Variants in SUCNR1 observed in about 807,000 individuals in gnomAD.
The protein encoded by SUCNR1 is G-protein coupled receptor 91.
Under a neutral mutation model 2.4 loss-of-function variants are expected in SUCNR1, and 5 were observed. That is an observed-to-expected ratio of 2.07 (90% CI 1.08 to 4.36). The LOEUF (loss-of-function observed/expected upper bound fraction) is 4.36. Among genes scored for constraint, SUCNR1 ranks in the 30% most tolerant of loss-of-function variants. The pLI is 0.00. For synonymous variants in SUCNR1, 162 were observed against 143.9 expected (o/e 1.13, Z -0.90); for missense variants, 373 against 399.2 (o/e 0.93, Z 0.56).
Position 151,879,864 on chromosome 3 carries a change from C to T in SUCNR1, c.-29C>T. The T allele has an allele frequency of 1.3e-6, 2 of 1,554,442 alleles. No individual in the cohort carries two copies. Among genetic ancestry groups the T allele is most frequent in the East Asian group, 2.4e-5 (1 of 42,486 alleles). On this transcript the variant is annotated 5_prime_UTR_variant, in exon 2 of 3. Coordinates refer to ENST00000362032, the MANE Select transcript of SUCNR1 (RefSeq NM_033050.6). ...TTTCCTCTTCTAGGTTATGGTTTAA[C>T]TCAGCAGAATTTGTTGAACAACTAC...
rs919846428 is a variant in SUCNR1, at chr3:151,879,339, T to C, written c.-41-513T>C. 3.3e-5 allele frequency among the ~76,000 whole-genome samples: 5 copies of C among 152,342 alleles called. No homozygotes were observed. In the South Asian group the frequency reaches 8.3e-4, roughly 25 times the overall value. On this transcript the variant is annotated intron_variant, in intron 1 of 2. Transcript: ENST00000362032. ...TAGGCAAATGCCATGGTCTTAATAT[T>C]GGTGTCTCCTCAAAATGTATGTTGG...
Position 151,880,779 on chromosome 3 carries a change from T to C in SUCNR1, c.236T>C (p.Leu79Pro). The change falls in exon 3 of 3, where the codon CTG (leucine) becomes CCG (proline). Residue 79 changes from leucine (L) to proline (P), a missense_variant. By Grantham distance (98) the Leu-to-Pro change is moderately conservative. Around this residue, in one of 3 missense-constraint regions of SUCNR1, gnomAD observed 184 missense variants for 162.2 expected, o/e 1.13. Transcript: ENST00000362032. ...GCTTTTCTGTGCACCCTCCCCATGC[T>C]GATAAGGAGTTATGCCAATGGAAAC... ...DLAFLCTLPM[L>P]IRSYANGNWI... 1 of 1,614,166 alleles carries C rather than the reference T, an allele frequency of 6.2e-7. No homozygotes were observed. The highest frequency in any genetic ancestry group is 8.5e-7 in the Non-Finnish European group (1 of 1,180,010).
In SUCNR1 at chr3:151,882,350, T is replaced by G. The variant is rs896916568; in HGVS notation, c.*802T>G. ...GTGAATACATCGTTTTAAATGATGATTTTGCCATCTGGTATTTTATTATCA... is the reference window on the plus strand; with the variant it reads ...GTGAATACATCGTTTTAAATGATGAGTTTGCCATCTGGTATTTTATTATCA... On this transcript the variant is annotated 3_prime_UTR_variant, in exon 3 of 3. Transcript: ENST00000362032. 6.6e-6 allele frequency: 1 copy of G among 152,166 alleles called. No homozygotes were observed. The highest frequency in any genetic ancestry group is 1.5e-5 in the Non-Finnish European group (1 of 68,000). The allele number at this position is 152,166 out of a possible 1,614,324, so 9.4% of individuals were successfully genotyped here.
chr3:151,880,560 C>T lies in SUCNR1; in HGVS notation c.17C>T (p.Ala6Val), dbSNP rs761429438. The T allele has an allele frequency of 1.3e-6, 2 of 1,597,460 alleles. No homozygotes were observed. Among genetic ancestry groups the T allele is most frequent in the South Asian group, 2.3e-5 (2 of 88,432 alleles). ...TTATATTTTCTCTCTCTTCTTTAGGCATGGAATGCAACTTGCAAAAACTGG... is the reference window on the plus strand; with the variant it reads ...TTATATTTTCTCTCTCTTCTTTAGGTATGGAATGCAACTTGCAAAAACTGG... MLGIM[A>V]WNATCKNWLA... Residue 6 changes from alanine (A) to valine (V), a missense_variant and splice_region_variant, in exon 3 of 3, where the codon GCA (alanine) becomes GTA (valine). This residue lies in a region of SUCNR1 where 184 missense variants were observed against 162.2 expected (regional missense o/e 1.13). Coordinates refer to ENST00000362032, the MANE Select transcript of SUCNR1 (RefSeq NM_033050.6).
Position 151,879,812 on chromosome 3 carries a change from G to C in SUCNR1, c.-41-40G>C. The C allele has an allele frequency of 1.6e-5, 15 of 947,192 alleles. 1 individual carries two copies. In the South Asian group the frequency reaches 3.3e-4, roughly 21 times the overall value. The allele number at this position is 947,192 out of a possible 1,614,324, so 58.7% of individuals were successfully genotyped here. ...TGGAAACAAGTAAAAGCTTAAAATA[G>C]TGAGACTGAAGTTCTAAAAATTCTT... On this transcript the variant is annotated intron_variant, in intron 1 of 2. Transcript: ENST00000362032.
In SUCNR1 at chr3:151,881,786, A is replaced by G. The variant is rs1345080248; in HGVS notation, c.*238A>G. On this transcript the variant is annotated 3_prime_UTR_variant, in exon 3 of 3. Coordinates refer to ENST00000362032, the MANE Select transcript of SUCNR1 (RefSeq NM_033050.6). ...GTAACTCCAAAATACTAGGTAGTATAAGGCTTTCTCAATCAGTGCAAAAAT... is the reference window on the plus strand; with the variant it reads ...GTAACTCCAAAATACTAGGTAGTATGAGGCTTTCTCAATCAGTGCAAAAAT... The G allele has an allele frequency of 7.3e-6, 3 of 411,514 alleles. No homozygotes were observed. The Admixed American group carries it at 1.2e-4, about 17-fold the overall frequency. 25.5% of individuals were successfully genotyped at this position (411,514 alleles called of 1,614,324 possible).
chr3:151,880,686 A>C lies in SUCNR1; in HGVS notation c.143A>C (p.Tyr48Ser). The change falls in exon 3 of 3, where the codon TAC becomes TCC. Residue 48 changes from tyrosine (Y) to serine (S), a missense_variant. Tyr to Ser is a moderately radical substitution (Grantham distance 144, BLOSUM62 -2). This residue lies in a region of SUCNR1 where 184 missense variants were observed against 162.2 expected (regional missense o/e 1.13). Coordinates refer to ENST00000362032, the MANE Select transcript of SUCNR1 (RefSeq NM_033050.6). ...VLGNTIVVYG[Y>S]IFSLKNWNSS... ...GGAAATACCATTGTTGTTTACGGCT[A>C]CATCTTCTCTCTGAAGAACTGGAAC... The C allele has an allele frequency of 6.2e-7, 1 of 1,614,132 alleles. No individual in the cohort carries two copies. The highest frequency in any genetic ancestry group is 8.5e-7 in the Non-Finnish European group (1 of 1,179,988).
At chr3:151,876,834 G>T (rs891166267) in intron 1 of SUCNR1, among the ~76,000 whole-genome samples, 2 of 152,080 alleles carry the variant, frequency 1.3e-5, no homozygotes, top group Non-Finnish European at 2.9e-5. Context: ...TTATAAAAAT[G>T]CTTTGTAAAT....
intron 1 of SUCNR1, among the ~76,000 whole-genome samples, chr3:151,875,100 A>G (rs981928960): frequency 2.0e-5 from 3 of 152,168 alleles, no homozygotes; most frequent in African/African-American, 4.8e-5. Flanking sequence ...CTAGTTCAAT[A>G]ATTCTAACAG....
chr3:151,879,965 C>A, intron 2 of SUCNR1, 58 bp downstream of exon 2: 2 of 1,377,166 alleles, frequency 1.5e-6, no homozygotes, highest in Non-Finnish European at 2.0e-6. Context: ...TTTTATCATA[C>A]GTTCCCTTTG....
chr3:151,880,336 C>T lies in SUCNR1; in HGVS notation c.16-223C>T, dbSNP rs570941953. On this transcript the variant is annotated intron_variant, in intron 2 of 2. Transcript: ENST00000362032. The stretch of plus-strand genomic sequence containing the variant: ...TGATTTATTCACTGCTGTTATCTCC[C>T]GTGCCTGAAATTATATTCAGCACAT... Among the ~76,000 whole-genome samples the T allele has an allele frequency of 3.9e-5, 6 of 152,144 alleles. No homozygotes were observed. The South Asian group carries it at 1.2e-3, about 32-fold the overall frequency.
At chr3:151,879,219 C>A (rs1190217017) in intron 1 of SUCNR1, among the ~76,000 whole-genome samples, 1 of 152,162 alleles carries the variant, frequency 6.6e-6, no homozygotes, top group Admixed American at 6.5e-5. Context: ...AGTAGGTTAG[C>A]AAGACTCTTG....
chr3:151,883,314 C>G lies in SUCNR1; in HGVS notation c.*1766C>G, dbSNP rs558257481. 4 of 151,608 alleles carry G rather than the reference C, an allele frequency of 2.6e-5. No individual in the cohort carries two copies. In the East Asian group the frequency reaches 7.7e-4, roughly 29 times the overall value. 9.4% of individuals were successfully genotyped at this position (151,608 alleles called of 1,614,324 possible). On this transcript the variant is annotated 3_prime_UTR_variant, in exon 3 of 3. Coordinates refer to ENST00000362032, the MANE Select transcript of SUCNR1 (RefSeq NM_033050.6). ...CACTTACTTCTGCAAACTTGGCAAT[C>G]CGTAATTTAACTTTAATTTGTATTT... is the stretch of plus-strand genomic sequence containing the variant.
chr3:151,878,711 G>A (rs1360995416), intron 1 of SUCNR1, among the ~76,000 whole-genome samples: 1 of 152,090 alleles, frequency 6.6e-6, no homozygotes, highest in Non-Finnish European at 1.5e-5. Flanking sequence ...TTGCCATAGA[G>A]AGATTCGAGA....
intron 1 of SUCNR1, among the ~76,000 whole-genome samples, chr3:151,874,342 T>A (rs1576662881): frequency 1.3e-5 from 2 of 150,820 alleles, no homozygotes; most frequent in South Asian, 4.2e-4. Context: ...GCCCGGCTAT[T>A]TTTTTTGGAT....
In SUCNR1 at chr3:151,877,998, T is replaced by C. The variant is rs116754283; in HGVS notation, c.-41-1854T>C. On this transcript the variant is annotated intron_variant, in intron 1 of 2. Transcript: ENST00000362032. ...GGGAGAAAGAAGGGAAACTAGGATA[T>C]TGTCATGTCTCAGAAGGCAAAAGAA... Among the ~76,000 whole-genome samples the C allele has an allele frequency of 4.3e-3, 658 of 152,232 alleles. 2 individuals are homozygous for C. Among genetic ancestry groups the C allele is most frequent in the African/African-American group, 0.015 (627 of 41,562 alleles).
intron 1 of SUCNR1, 30 bp from the exon 2 acceptor site, chr3:151,879,822 A>T: frequency 9.1e-7 from 1 of 1,096,128 alleles, no homozygotes; most frequent in Non-Finnish European, 1.3e-6. Flanking sequence ...GTGAGACTGA[A>T]GTTCTAAAAA....
intron 1 of SUCNR1, among the ~76,000 whole-genome samples, chr3:151,879,412 A>G (rs940878166): frequency 2.6e-5 from 4 of 152,210 alleles, no homozygotes; most frequent in African/African-American, 9.6e-5. Flanking sequence ...TGATGAAGCC[A>G]TGAAGACTCT....
In SUCNR1 at chr3:151,880,934, C is replaced by T. The variant is rs765053832; in HGVS notation, c.391C>T (p.His131Tyr). 6.8e-5 allele frequency: 110 copies of T among 1,613,880 alleles called. No individual in the cohort carries two copies. Among genetic ancestry groups the T allele is most frequent in the Non-Finnish European group, 8.4e-5 (99 of 1,179,998 alleles). ...YLIIKYPFREHLLQKKEFAIL... is the reference protein window; with the variant it reads ...YLIIKYPFREYLLQKKEFAIL... ...GATAATTAAGTATCCTTTCCGAGAACACCTTCTGCAAAAGAAAGAGTTTGC... is the reference window on the plus strand; with the variant it reads ...GATAATTAAGTATCCTTTCCGAGAATACCTTCTGCAAAAGAAAGAGTTTGC... Residue 131 changes from histidine to tyrosine, a missense_variant, in exon 3 of 3, where the codon CAC (histidine) becomes TAC (tyrosine). Coordinates refer to ENST00000362032, the MANE Select transcript of SUCNR1 (RefSeq NM_033050.6).
Sources: gnomAD v4.1 joint callset for allele counts (sites outside exome capture counted in the v4.1 genomes callset) on GRCh38, gnomAD v4.1.1 for gene constraint, gnomAD v4.1.1 regional missense constraint, MANE v1.5 for transcripts, NCBI Gene and HGNC (gene_info 2026-07-23, HGNC 2026-07-21) for gene names.